Variants in B3GALT1 observed in about 807,000 individuals in gnomAD.
B3GALT1 encodes beta-1,3-galactosyltransferase 1.
In B3GALT1, 10 loss-of-function variants were observed where a neutral mutation model predicts 23.2. The ratio of observed to expected loss-of-function variants is 0.43; its 90% CI spans 0.27 to 0.73. B3GALT1 has a LOEUF of 0.73. B3GALT1 is among the 30% of genes least tolerant of loss of function. The probability of loss-of-function intolerance (pLI) is 0.21; values close to 1 mark genes in which losing one functional copy is unlikely to be tolerated. For synonymous variants in B3GALT1, 156 were observed against 141.5 expected (o/e 1.10, Z -0.73); for missense variants, 299 against 405.4 (o/e 0.74, Z 2.25).
At chr2:167,404,079 C>T (rs927021189) in intron 1 of B3GALT1, among the ~76,000 whole-genome samples, 4 of 152,058 alleles carry the variant, frequency 2.6e-5, no homozygotes, top group Non-Finnish European at 5.9e-5. Context: ...GCACCAGCAT[C>T]TGCTTGGTTT....
chr2:167,672,943 T>C (rs2105485358), intron 3 of B3GALT1, among the ~76,000 whole-genome samples: 1 of 151,248 alleles, frequency 6.6e-6, no homozygotes, highest in Admixed American at 6.6e-5. Flanking sequence ...CAGTAGATTC[T>C]ACTGAAAATT....
chr2:167,593,124 T>C (rs1215981026), intron 2 of B3GALT1, among the ~76,000 whole-genome samples: 1 of 152,200 alleles, frequency 6.6e-6, no homozygotes, highest in Non-Finnish European at 1.5e-5. Flanking sequence ...TTGTAGGTTA[T>C]CTAAACACTT....
intron 2 of B3GALT1, among the ~76,000 whole-genome samples, chr2:167,521,980 G>T: frequency 7.8e-6 from 1 of 128,146 alleles, no homozygotes; most frequent in Non-Finnish European, 1.6e-5. Context: ...GTGTGTGTGT[G>T]TGTGTATATA....
rs141273721 is a variant in B3GALT1, at chr2:167,373,452, C to T, written c.-511+80118C>T. On this transcript the variant is annotated intron_variant, in intron 1 of 4. Coordinates refer to ENST00000392690, the MANE Select transcript of B3GALT1 (RefSeq NM_020981.4). ...CCACAAACTGAGAGTATTCTAAATA[C>T]GTATTTCAGTCTAAAGACTCAATAC... 7.6e-4 allele frequency among the ~76,000 whole-genome samples: 113 copies of T among 149,228 alleles called. 1 individual carries two copies. In the East Asian group the frequency reaches 0.02, roughly 27 times the overall value.
intron 1 of B3GALT1, among the ~76,000 whole-genome samples, chr2:167,393,097 G>A (rs1309471426): frequency 2.6e-5 from 4 of 152,120 alleles, no homozygotes; most frequent in Non-Finnish European, 4.4e-5. Flanking sequence ...AGCCAGACGT[G>A]GTGGTGGGTG....
At chr2:167,342,256 T>C (rs1373047876) in intron 1 of B3GALT1, among the ~76,000 whole-genome samples, 2 of 152,154 alleles carry the variant, frequency 1.3e-5, no homozygotes, top group African/African-American at 4.8e-5. Context: ...CAAAAGATCT[T>C]GGAATCAATA....
intron 2 of B3GALT1, among the ~76,000 whole-genome samples, chr2:167,498,618 T>G (rs986196812): frequency 3.9e-5 from 6 of 152,138 alleles, no homozygotes; most frequent in African/African-American, 1.4e-4. Flanking sequence ...CAGATCTTAA[T>G]GTAAGAAAAG....
chr2:167,660,040 C>G (rs932257595), intron 3 of B3GALT1, among the ~76,000 whole-genome samples: 2 of 152,050 alleles, frequency 1.3e-5, no homozygotes, highest in African/African-American at 4.8e-5. Context: ...TAAAACTCTT[C>G]GTATCACTGC....
At chr2:167,854,531 C>G (rs1689963272) in intron 4 of B3GALT1, among the ~76,000 whole-genome samples, 1 of 152,162 alleles carries the variant, frequency 6.6e-6, no homozygotes, top group Non-Finnish European at 1.5e-5. Context: ...TTCAGTAGAA[C>G]CAGGGACCTT....
At chr2:167,661,773 G>T (rs1686064291) in intron 3 of B3GALT1, among the ~76,000 whole-genome samples, 1 of 152,008 alleles carries the variant, frequency 6.6e-6, no homozygotes, top group Admixed American at 6.6e-5. Flanking sequence ...TGATTATAAT[G>T]ATCAAATATG....
At chr2:167,674,379 GA>G (rs532004937) in intron 3 of B3GALT1, among the ~76,000 whole-genome samples, 250 of 151,502 alleles carry the variant, frequency 1.7e-3, no homozygotes, top group African/African-American at 5.9e-3. Flanking sequence ...ATTTACTTCA[GA>G]AAAAAAATGT....
intron 1 of B3GALT1, among the ~76,000 whole-genome samples, chr2:167,382,061 CT>C (rs1244246738): frequency 5.3e-5 from 8 of 152,282 alleles, no homozygotes; most frequent in Non-Finnish European, 1.2e-4. Context: ...AGTTATTGGG[CT>C]TAAATTGAGG....
rs73021744 is a variant in B3GALT1, at chr2:167,390,152, G to C, written c.-511+96818G>C. ...TTGATAGCTTCCAAGTCCTGCCCCAGCTGGGATTTATCTGAGAGGCTGAAT... is the reference window on the plus strand; with the variant it reads ...TTGATAGCTTCCAAGTCCTGCCCCACCTGGGATTTATCTGAGAGGCTGAAT... On this transcript the variant is annotated intron_variant, in intron 1 of 4. Coordinates refer to ENST00000392690, the MANE Select transcript of B3GALT1 (RefSeq NM_020981.4). Among the ~76,000 whole-genome samples, 33 of 152,168 alleles carry C rather than the reference G, an allele frequency of 2.2e-4. 1 individual carries two copies. The highest frequency in any genetic ancestry group is 9.8e-4 in the Admixed American group (15 of 15,276).
At chr2:167,375,287 T>C (rs1697745800) in intron 1 of B3GALT1, among the ~76,000 whole-genome samples, 1 of 152,114 alleles carries the variant, frequency 6.6e-6, no homozygotes, top group African/African-American at 2.4e-5. Flanking sequence ...TGTCTGGCTT[T>C]GGTCTTTTGC....
intron 4 of B3GALT1, among the ~76,000 whole-genome samples, chr2:167,867,407 G>T (rs1690256092): frequency 6.6e-6 from 1 of 152,232 alleles, no homozygotes; most frequent in African/African-American, 2.4e-5. Context: ...ATTATGGGTT[G>T]GATGAAGGCC....
At chr2:167,547,464 A>G (rs534916037) in intron 2 of B3GALT1, among the ~76,000 whole-genome samples, 1 of 152,110 alleles carries the variant, frequency 6.6e-6, no homozygotes, top group African/African-American at 2.4e-5. Flanking sequence ...TGGGAGGTCA[A>G]GGAGAGCGGA....
At chr2:167,310,284 A>G (rs1480044584) in intron 1 of B3GALT1, among the ~76,000 whole-genome samples, 1 of 152,062 alleles carries the variant, frequency 6.6e-6, no homozygotes, top group East Asian at 1.9e-4. Flanking sequence ...CTCCCTTGAC[A>G]GTGTTTGTTT....
intron 3 of B3GALT1, among the ~76,000 whole-genome samples, chr2:167,785,121 C>T (rs776235998): frequency 2.0e-5 from 3 of 152,122 alleles, no homozygotes; most frequent in Non-Finnish European, 2.9e-5. Flanking sequence ...AAAAGTAAGA[C>T]CTAACATTGC....
In B3GALT1 at chr2:167,475,322, G is replaced by T. The variant is rs542488767; in HGVS notation, c.-510-14855G>T. Among the ~76,000 whole-genome samples the T allele has an allele frequency of 3.9e-5, 6 of 152,082 alleles. No individual in the cohort carries two copies. The South Asian group carries it at 1.2e-3, about 32-fold the overall frequency. Reference sequence around the variant, plus strand: ...CTCCATTATCAGTTCCACTCTCAAGGTATCACTGTGCTTGTGTTCAAGTAA... The same window carrying T: ...CTCCATTATCAGTTCCACTCTCAAGTTATCACTGTGCTTGTGTTCAAGTAA... On this transcript the variant is annotated intron_variant, in intron 1 of 4. Coordinates refer to ENST00000392690, the MANE Select transcript of B3GALT1 (RefSeq NM_020981.4).
Sources: gnomAD v4.1 joint callset for allele counts (sites outside exome capture counted in the v4.1 genomes callset) on GRCh38, gnomAD v4.1.1 for gene constraint, MANE v1.5 for transcripts, NCBI Gene and HGNC (gene_info 2026-07-23, HGNC 2026-07-21) for gene names.